PCDH9: variants seen among roughly 807,000 people sequenced by gnomAD.
PCDH9 encodes the protein protocadherin 9, also known as protocadherin-9.
Under a neutral mutation model 70.6 loss-of-function variants are expected in PCDH9, and 24 were observed. That is an observed-to-expected ratio of 0.34 (90% CI 0.25 to 0.48). The LOEUF is 0.48. PCDH9 is among the 20% of genes least tolerant of loss of function. The pLI is 0.99. For missense variants in PCDH9, 1,281 were observed against 1,503.6 expected (o/e 0.85, Z 2.45); for synonymous variants, 562 against 558.5 (o/e 1.01, Z -0.09).
At chr13:66,419,640 C>T (rs916867984) in intron 4 of PCDH9, among the ~76,000 whole-genome samples, 4 of 152,110 alleles carry the variant, frequency 2.6e-5, no homozygotes, top group African/African-American at 4.8e-5. Flanking sequence ...TATGCTTTTC[C>T]CATGGTTTTT....
intron 3 of PCDH9, among the ~76,000 whole-genome samples, chr13:66,737,336 C>A (rs2079167174): frequency 6.6e-6 from 1 of 152,148 alleles, no homozygotes; most frequent in Non-Finnish European, 1.5e-5. Flanking sequence ...TAGCAATAGA[C>A]CACTGGTTCT....
At chr13:66,898,532 A>G (rs2082222030) in intron 3 of PCDH9, among the ~76,000 whole-genome samples, 1 of 152,020 alleles carries the variant, frequency 6.6e-6, no homozygotes, top group Admixed American at 6.6e-5. Flanking sequence ...GTGTGCTTGT[A>G]CATAATTATG....
intron 3 of PCDH9, among the ~76,000 whole-genome samples, chr13:66,653,875 G>A (rs2077887669): frequency 6.6e-6 from 1 of 151,442 alleles, no homozygotes; most frequent in Non-Finnish European, 1.5e-5. Context: ...GGCTGAGGCA[G>A]GAGAATGGCT....
intron 3 of PCDH9, among the ~76,000 whole-genome samples, chr13:66,730,876 G>GTGTTTTTTTTT (rs1555262846): frequency 2.6e-4 from 12 of 46,356 alleles, no homozygotes; most frequent in African/African-American, 8.3e-4. Flanking sequence ...GTGTGTGTGT[G>GTGTTTTTTTTT]TTTTTTTTTT....
In PCDH9 at chr13:66,377,417, G is replaced by A. The variant is rs367844108; in HGVS notation, c.3341-72389C>T. 3.4e-4 allele frequency among the ~76,000 whole-genome samples: 52 copies of A among 152,134 alleles called. No individual in the cohort carries two copies. The Middle Eastern group carries it at 0.014, about 40-fold the overall frequency. On this transcript the variant is annotated intron_variant, in intron 4 of 4. Transcript: ENST00000377865. ...TGCTCTTGCTGGTTCAGCAACCATG[G>A]TAGGAATGTTTTGGGATATGAAAAC... is the stretch of plus-strand genomic sequence containing the variant.
At chr13:67,106,434 T>C (rs2086544770) in intron 2 of PCDH9, among the ~76,000 whole-genome samples, 3 of 152,370 alleles carry the variant, frequency 2.0e-5, no homozygotes, top group Middle Eastern at 3.4e-3. Context: ...TAGCAAAGGA[T>C]TAAATCATCT....
intron 3 of PCDH9, among the ~76,000 whole-genome samples, chr13:66,645,355 G>C (rs1317494659): frequency 6.6e-6 from 1 of 151,990 alleles, no homozygotes; most frequent in Non-Finnish European, 1.5e-5. Flanking sequence ...AGTGTTTCTG[G>C]TAAAAGAAGA....
intron 3 of PCDH9, among the ~76,000 whole-genome samples, chr13:66,726,675 T>A (rs1048790624): frequency 6.6e-6 from 1 of 152,150 alleles, no homozygotes; most frequent in Admixed American, 6.5e-5. Context: ...GAAAAGTTGT[T>A]TTTTCCTCCC....
In PCDH9 at chr13:66,532,685, G is replaced by A. The variant is rs530325211; in HGVS notation, c.3340+98525C>T. 7.2e-5 allele frequency among the ~76,000 whole-genome samples: 11 copies of A among 152,138 alleles called. No individual in the cohort carries two copies. In the East Asian group the frequency reaches 1.5e-3, roughly 21 times the overall value. On this transcript the variant is annotated intron_variant, in intron 4 of 4. Transcript: ENST00000377865. ...TGCCTCCCGAGTAGCTGGGACTACCGGCACATGCCCAATTTTTATATTTTC... is the reference window on the plus strand; with the variant it reads ...TGCCTCCCGAGTAGCTGGGACTACCAGCACATGCCCAATTTTTATATTTTC...
At chr13:66,839,160 T>G (rs898695481) in intron 3 of PCDH9, among the ~76,000 whole-genome samples, 2 of 151,458 alleles carry the variant, frequency 1.3e-5, no homozygotes, top group Admixed American at 6.6e-5. Flanking sequence ...TATTCTGAGA[T>G]ATATATATAT....
intron 3 of PCDH9, among the ~76,000 whole-genome samples, chr13:66,819,701 G>A (rs1052629515): frequency 1.3e-5 from 2 of 152,040 alleles, no homozygotes; most frequent in African/African-American, 4.8e-5. Flanking sequence ...ACCAGTCTGG[G>A]CAACAGAGTG....
chr13:66,724,553 C>G (rs891242811), intron 3 of PCDH9, among the ~76,000 whole-genome samples: 3 of 152,106 alleles, frequency 2.0e-5, no homozygotes, highest in Non-Finnish European at 2.9e-5. Context: ...CAACTCTGAC[C>G]TACAAATGAT....
intron 4 of PCDH9, among the ~76,000 whole-genome samples, chr13:66,394,193 C>G (rs533214170): frequency 2.0e-5 from 3 of 152,104 alleles, no homozygotes; most frequent in Non-Finnish European, 4.4e-5. Context: ...AGGGGTCACT[C>G]ACCTAAATGA....
chr13:66,703,887 C>G (rs113938595), intron 3 of PCDH9, among the ~76,000 whole-genome samples: 2,704 of 151,416 alleles, frequency 0.018, 91 homozygotes, highest in African/African-American at 0.062. Context: ...GTCAACAGAG[C>G]AAAACCCTGT....
intron 2 of PCDH9, among the ~76,000 whole-genome samples, chr13:67,129,161 C>G (rs754667887): frequency 1.3e-5 from 2 of 152,076 alleles, no homozygotes; most frequent in Non-Finnish European, 2.9e-5. Context: ...TTTTCTTCCA[C>G]ATCGTTGTAA....
Position 67,226,573 on chromosome 13 carries a change from T to C in PCDH9, c.1868A>G (p.Tyr623Cys), listed in dbSNP as rs1299785389. The change falls in exon 2 of 5, where the codon TAT (tyrosine) becomes TGT (cysteine). Residue 623 changes from tyrosine to cysteine, a missense_variant. Transcript: ENST00000377865. This position sits in a 1 kb window ranked among gnomAD's most constrained non-coding sequence, Gnocchi z 5.0. The stretch of plus-strand genomic sequence containing the variant: ...GACATTTGACTTTATGACTCCAGAA[T>C]AGGGATCCAACACAAAATTATCATT... The part of the protein sequence containing the change: ...NDNDNFVLDP[Y>C]SGVIKSNVSF... The C allele has an allele frequency of 6.2e-7, 1 of 1,613,786 alleles. No individual in the cohort carries two copies. The highest frequency in any genetic ancestry group is 8.5e-7 in the Non-Finnish European group (1 of 1,179,668).
intron 2 of PCDH9, among the ~76,000 whole-genome samples, chr13:66,913,408 T>C (rs1030822352): frequency 6.6e-6 from 1 of 152,070 alleles, no homozygotes; most frequent in Admixed American, 6.6e-5. Flanking sequence ...TTTATGCAAC[T>C]TGTACAGTAT....
At chr13:66,369,672 G>C (rs1390715042) in intron 4 of PCDH9, among the ~76,000 whole-genome samples, 1 of 152,064 alleles carries the variant, frequency 6.6e-6, no homozygotes, top group Non-Finnish European at 1.5e-5. Context: ...TTTAGTCACA[G>C]GGTATGAAGT....
chr13:66,631,073 G>C, intron 4 of PCDH9, 137 bp downstream of exon 4: 2 of 608,588 alleles, frequency 3.3e-6, no homozygotes. Context: ...ATATCTCAAA[G>C]AATACAGCAA....
Sources: allele counts gnomAD v4.1 joint callset (sites outside exome capture counted in the v4.1 genomes callset), GRCh38; gene constraint gnomAD v4.1.1; non-coding constraint Gnocchi (gnomAD v3.1); transcripts MANE v1.5; gene names NCBI Gene and HGNC (gene_info 2026-07-23, HGNC 2026-07-21).